CCDC51: variants seen among roughly 807,000 people sequenced by gnomAD.
CCDC51 encodes the protein mitochondrial potassium channel.
In CCDC51, 25 loss-of-function variants were observed where a neutral mutation model predicts 24.8. That is an observed-to-expected ratio of 1.01 (90% CI 0.73 to 1.41). The LOEUF is 1.41. CCDC51 is among the 40% of genes most tolerant of loss of function. CCDC51 has a pLI of 0.00. For synonymous variants in CCDC51, 190 were observed against 204.3 expected, an observed-to-expected ratio of 0.93 and a Z score of 0.60; for missense variants, 466 against 519.1, an observed-to-expected ratio of 0.90 and a Z score of 0.99.
Position 48,433,230 on chromosome 3 carries a change from C to T in CCDC51, c.478-64G>A. The T allele has an allele frequency of 6.8e-7, 1 of 1,465,992 alleles. No homozygotes were observed. The highest frequency in any genetic ancestry group is 9.4e-7 in the Non-Finnish European group (1 of 1,067,464). 90.8% of individuals were successfully genotyped at this position (1,465,992 alleles called of 1,614,324 possible). On this transcript the variant is annotated intron_variant, in intron 3 of 3. Transcript: ENST00000395694. The surrounding 1 kb of genome is among the most constrained non-coding windows in gnomAD (Gnocchi z 4.4). ...CAAGGTGGCCCTGCAGCTATAGCCA[C>T]CAGCAGATGGCTCACTACCTTGTGC...
intron 1 of CCDC51, among the ~76,000 whole-genome samples, chr3:48,439,089 A>T (rs565490196): frequency 4.4e-4 from 67 of 152,118 alleles, no homozygotes; most frequent in African/African-American, 1.5e-3. Flanking sequence ...TTCCCCATGC[A>T]CCCTATCAGA....
At chr3:48,443,939 C>T (rs554268815), upstream of CCDC51, 2 of 1,270,418 alleles carry the variant, frequency 1.6e-6, no homozygotes, top group Admixed American at 3.0e-5. Context: ...ATTTAAACCT[C>T]TCTATTCCCT....
chr3:48,439,361 C>A (rs546915787), intron 1 of CCDC51, among the ~76,000 whole-genome samples: 1 of 152,206 alleles, frequency 6.6e-6, no homozygotes, highest in Non-Finnish European at 1.5e-5. Flanking sequence ...TGGCTGGGTG[C>A]GGTGGCTCAC....
upstream of CCDC51, chr3:48,440,928 G>A: frequency 4.2e-6 from 2 of 479,058 alleles, no homozygotes; most frequent in East Asian, 7.6e-5. Context: ...GTTTCTCAAA[G>A]TCTGACGTCG....
upstream of CCDC51, chr3:48,443,992 T>C: frequency 1.3e-6 from 1 of 787,004 alleles, no homozygotes; most frequent in Non-Finnish European, 1.8e-6. Context: ...TTAAGTGTTG[T>C]CTTGGAGCTG....
At chr3:48,440,291 G>A (rs911440499), upstream of CCDC51, 23 of 1,604,104 alleles carry the variant, frequency 1.4e-5, no homozygotes, top group Non-Finnish European at 8.5e-6. Flanking sequence ...AGCGGCGGCA[G>A]GCGCCATGTC....
chr3:48,436,311 A>T (rs2039349863), intron 1 of CCDC51, among the ~76,000 whole-genome samples: 1 of 152,184 alleles, frequency 6.6e-6, no homozygotes, highest in South Asian at 2.1e-4. Context: ...GTGATATGAG[A>T]CAGAGGCTCC....
At position 48,433,825 on chromosome 3, in the gene CCDC51, C is replaced by A; in HGVS notation, c.359G>T (p.Arg120Leu). 6.2e-7 allele frequency: 1 copy of A among 1,614,020 alleles called. No individual in the cohort carries two copies. Among genetic ancestry groups the A allele is most frequent in the Non-Finnish European group, 8.5e-7 (1 of 1,179,978 alleles). ...GGCCTGGTGAACTTCCAAGTCCTCC[C>A]GAGCCTCTCGGACAAGCCCTCGAGC... Reference protein sequence around the residue: ...MVARGLVREAREDLEVHQAKL... With the variant: ...MVARGLVREALEDLEVHQAKL... The change falls in exon 3 of 4, where the codon CGG (arginine) becomes CTG (leucine). Residue 120 changes from arginine (R) to leucine (L), a missense_variant. By Grantham distance (102) the Arg-to-Leu change is moderately radical (BLOSUM62 -2). Coordinates refer to ENST00000395694, the MANE Select transcript of CCDC51 (RefSeq NM_001256964.2). The surrounding 1 kb of genome is among the most constrained non-coding windows in gnomAD (Gnocchi z 4.4).
rs747286395 is a variant in CCDC51, at chr3:48,440,061, T to C, written c.-82A>G. On this transcript the variant is annotated 5_prime_UTR_variant, in exon 1 of 4. Coordinates refer to ENST00000395694, the MANE Select transcript of CCDC51 (RefSeq NM_001256964.2). ...TTAAGTACCCCTCCTACGGTTCCGATTCTACCCTGGCAGGACAACCCTAGC... is the reference window on the plus strand; with the variant it reads ...TTAAGTACCCCTCCTACGGTTCCGACTCTACCCTGGCAGGACAACCCTAGC... 129 of 663,282 alleles carry C rather than the reference T, an allele frequency of 1.9e-4. No individual in the cohort carries two copies. Among genetic ancestry groups the C allele is most frequent in the Non-Finnish European group, 3.0e-4 (124 of 408,368 alleles). The allele number at this position is 663,282 out of a possible 1,614,324, so 41.1% of individuals were successfully genotyped here.
Position 48,433,853 on chromosome 3 carries a change from C to T in CCDC51, c.331G>A (p.Val111Met). The change falls in exon 3 of 4, where the codon GTG becomes ATG. Residue 111 changes from valine to methionine, a missense_variant. Transcript: ENST00000395694. The surrounding 1 kb of genome is among the most constrained non-coding windows in gnomAD (Gnocchi z 4.4). ...KVTEAEKVFM[V>M]ARGLVREARE... ...GCCTCTCGGACAAGCCCTCGAGCCA[C>T]CATGAACACTTTCTCAGCCTGCAAA... The T allele has an allele frequency of 6.2e-7, 1 of 1,613,844 alleles. No individual in the cohort carries two copies.
Position 48,435,969 on chromosome 3 carries a change from T to A in CCDC51, c.-8-833A>T, listed in dbSNP as rs1218898768. Among the ~76,000 whole-genome samples, 1 of 152,180 alleles carries A rather than the reference T, an allele frequency of 6.6e-6. No homozygotes were observed. The highest frequency in any genetic ancestry group is 1.9e-4 in the East Asian group (1 of 5,198). ...TCTCTCATCTTTCCCTTTTCCATCT[T>A]GCTTTGATGTTTGGGCCTGCTTCTC... On this transcript the variant is annotated intron_variant, in intron 1 of 3. Transcript: ENST00000395694. This position sits in a 1 kb window ranked among gnomAD's most constrained non-coding sequence, Gnocchi z 4.2.
intron 2 of CCDC51, 81 bp downstream of exon 2, chr3:48,434,736 G>A (rs957076874): frequency 7.7e-7 from 1 of 1,297,298 alleles, no homozygotes; most frequent in East Asian, 2.3e-5. Flanking sequence ...GTCTGGATGT[G>A]GCTACCCAGC....
upstream of CCDC51, chr3:48,444,151 T>G: frequency 3.0e-6 from 1 of 328,398 alleles, no homozygotes; most frequent in African/African-American, 2.1e-5. Context: ...TGTTCTTTGG[T>G]CCTTGTTCTA....
chr3:48,443,085 C>A (rs2039604043), upstream of CCDC51, among the ~76,000 whole-genome samples: 1 of 151,280 alleles, frequency 6.6e-6, no homozygotes, highest in African/African-American at 2.4e-5. Context: ...ACTAAAAATA[C>A]AAAAATTAGC....
Position 48,440,116 on chromosome 3 carries a change from G to A in CCDC51, c.-137C>T. 5.0e-6 allele frequency: 5 copies of A among 1,006,912 alleles called. No homozygotes were observed. The highest frequency in any genetic ancestry group is 7.0e-6 in the Non-Finnish European group (5 of 709,552). The allele number at this position is 1,006,912 out of a possible 1,614,324, so 62.4% of individuals were successfully genotyped here. ...CGTACCTGGCGTGGCCCGACCAATC[G>A]TCTGCCACTCAGTTGACCTCTGACC... is the stretch of plus-strand genomic sequence containing the variant. On this transcript the variant is annotated 5_prime_UTR_variant, in exon 1 of 4. The change creates a new upstream start codon in the 5' untranslated region. Transcript: ENST00000395694.
Position 48,435,179 on chromosome 3 carries a change from G to A in CCDC51, c.-8-43C>T, listed in dbSNP as rs1423067423. The stretch of plus-strand genomic sequence containing the variant: ...GACAGGTCAGCTCACAGCTGAGAAA[G>A]GCTGGACATAAGTCAGTTTTGAGGC... On this transcript the variant is annotated intron_variant, in intron 1 of 3. Coordinates refer to ENST00000395694, the MANE Select transcript of CCDC51 (RefSeq NM_001256964.2). This position sits in a 1 kb window ranked among gnomAD's most constrained non-coding sequence, Gnocchi z 4.2. The A allele has an allele frequency of 6.7e-7, 1 of 1,489,222 alleles. No individual in the cohort carries two copies. The highest frequency in any genetic ancestry group is 9.0e-7 in the Non-Finnish European group (1 of 1,114,198). The allele number at this position is 1,489,222 out of a possible 1,614,324, so 92.3% of individuals were successfully genotyped here.
At position 48,432,469 on chromosome 3, in the gene CCDC51, A is replaced by C. The variant is rs772368564; in HGVS notation, c.1175T>G (p.Val392Gly). ...VNRNTIYSTLVTCVTFVATLP... is the reference protein window; with the variant it reads ...VNRNTIYSTLGTCVTFVATLP... The stretch of plus-strand genomic sequence containing the variant: ...TGTGGCCACAAATGTCACACAGGTG[A>C]CCAGGGTGCTATAGATGGTGTTCCT... The change falls in exon 4 of 4, where the codon GTC becomes GGC. Residue 392 changes from valine to glycine, a missense_variant. Transcript: ENST00000395694. 2.4e-5 allele frequency: 38 copies of C among 1,614,220 alleles called. No homozygotes were observed. In the South Asian group the frequency reaches 4.2e-4, roughly 18 times the overall value.
chr3:48,434,809 C>A lies in CCDC51; in HGVS notation c.312+8G>T. On this transcript the variant is annotated splice_region_variant and intron_variant, in intron 2 of 3. Transcript: ENST00000395694. ...GGCGGGGCCAGCCACCCCAGCTCCC[C>A]TCCTCACCTCTGTCACCTTTCCCTG... 1 of 1,582,476 alleles carries A rather than the reference C, an allele frequency of 6.3e-7. No homozygotes were observed. Among genetic ancestry groups the A allele is most frequent in the Admixed American group, 1.7e-5 (1 of 58,352 alleles).
In CCDC51 at chr3:48,435,278, A is replaced by T; in HGVS notation, c.-8-142T>A. ...GAGCACCACCCTGTTGGGCCCAGAGACTGTGGCCCCTGTGGCAAGAGGATG... is the reference window on the plus strand; with the variant it reads ...GAGCACCACCCTGTTGGGCCCAGAGTCTGTGGCCCCTGTGGCAAGAGGATG... On this transcript the variant is annotated intron_variant, in intron 1 of 3. Transcript: ENST00000395694. This position sits in a 1 kb window ranked among gnomAD's most constrained non-coding sequence, Gnocchi z 4.2. 1.4e-6 allele frequency: 1 copy of T among 690,332 alleles called. No individual in the cohort carries two copies. The highest frequency in any genetic ancestry group is 2.3e-6 in the Non-Finnish European group (1 of 432,460). 42.8% of individuals were successfully genotyped at this position (690,332 alleles called of 1,614,324 possible).
Sources: allele counts gnomAD v4.1 joint callset (sites outside exome capture counted in the v4.1 genomes callset), GRCh38; gene constraint gnomAD v4.1.1; non-coding constraint Gnocchi (gnomAD v3.1); transcripts MANE v1.5; gene names NCBI Gene and HGNC (gene_info 2026-07-23, HGNC 2026-07-21).